VTI1A: variants seen among roughly 807,000 people sequenced by gnomAD.
VTI1A encodes the protein vesicle transport through interaction with t-SNAREs 1A.
A neutral mutation model predicts 34.9 loss-of-function variants in VTI1A; 22 were observed. The observed-to-expected ratio is 0.63, with a 90% CI of 0.45 to 0.90. The LOEUF (loss-of-function observed/expected upper bound fraction) is 0.90, where lower values mean the gene tolerates loss of function less well. VTI1A is among the 40% of genes least tolerant of loss of function. The pLI, the probability that VTI1A is intolerant of heterozygous loss-of-function variation, is 0.00. For synonymous variants in VTI1A, 87 were observed against 97.3 expected, an observed-to-expected ratio of 0.89 and a Z score of 0.62; for missense variants, 268 against 275.6, an observed-to-expected ratio of 0.97 and a Z score of 0.20.
At chr10:112,712,885 T>G (rs1849476467) in intron 7 of VTI1A, among the ~76,000 whole-genome samples, 2 of 152,160 alleles carry the variant, frequency 1.3e-5, no homozygotes, top group Non-Finnish European at 1.5e-5. Context: ...GTCTTTAAAT[T>G]TGGGGTGGCA....
intron 5 of VTI1A, among the ~76,000 whole-genome samples, chr10:112,644,479 T>A (rs889791412): frequency 2.0e-5 from 3 of 152,204 alleles, no homozygotes; most frequent in East Asian, 1.9e-4. Context: ...CCTGACTAAT[T>A]GTGTAGATTG....
the VTI1A span, among the ~76,000 whole-genome samples, chr10:112,854,821 C>T: frequency 6.6e-6 from 1 of 152,182 alleles, no homozygotes; most frequent in African/African-American, 2.4e-5. Flanking sequence ...CCGCCTGCTG[C>T]AGAGAACGCC....
At chr10:112,716,707 T>C (rs11196072) in intron 7 of VTI1A, among the ~76,000 whole-genome samples, 30,466 of 152,134 alleles carry the variant, frequency 0.2, 5,370 homozygotes, top group African/African-American at 0.47. Flanking sequence ...TCAAAAGGAA[T>C]ACTCACTGGA....
At chr10:112,550,216 T>A (rs771257384) in intron 5 of VTI1A, among the ~76,000 whole-genome samples, 1 of 152,234 alleles carries the variant, frequency 6.6e-6, no homozygotes, top group Admixed American at 6.5e-5. Flanking sequence ...TACAGCAGAT[T>A]GTGAAAATGA....
chr10:112,552,926 T>C (rs1851414077), intron 5 of VTI1A, among the ~76,000 whole-genome samples: 1 of 152,212 alleles, frequency 6.6e-6, no homozygotes, highest in South Asian at 2.1e-4. Flanking sequence ...TCTGCTCAAA[T>C]TAAACACTGT....
chr10:112,790,680 A>G (rs1023186597), intron 7 of VTI1A, among the ~76,000 whole-genome samples: 1 of 151,756 alleles, frequency 6.6e-6, no homozygotes, highest in Admixed American at 6.6e-5. Flanking sequence ...GGTTGTTCTT[A>G]CCCAAAATTC....
intron 4 of VTI1A, among the ~76,000 whole-genome samples, chr10:112,528,154 C>T (rs1850303033): frequency 1.3e-5 from 2 of 151,934 alleles, no homozygotes; most frequent in African/African-American, 4.8e-5. Flanking sequence ...CTGAGTAAAC[C>T]AAAATTTTAA....
At chr10:112,687,219 CTTTTTTTTTTTTTTTTT>C (rs71303594) in intron 7 of VTI1A, among the ~76,000 whole-genome samples, 24 of 84,606 alleles carry the variant, frequency 2.8e-4, no homozygotes, top group Non-Finnish European at 4.4e-4. Context: ...CATACTACAA[CTTTTTTTTTTTTTTTTT>C]TTTTTTTTTT....
At chr10:112,775,598 A>G (rs1851936287) in intron 7 of VTI1A, among the ~76,000 whole-genome samples, 1 of 152,226 alleles carries the variant, frequency 6.6e-6, no homozygotes, top group Admixed American at 6.5e-5. Context: ...CCAAAGCACA[A>G]CAAATGTTAA....
At chr10:112,710,325 G>A (rs953304030) in intron 7 of VTI1A, among the ~76,000 whole-genome samples, 3 of 150,790 alleles carry the variant, frequency 2.0e-5, no homozygotes, top group Non-Finnish European at 1.5e-5. Flanking sequence ...CTCCTGCCTC[G>A]GCCTCCCAAG....
At chr10:112,805,155 C>A (rs1853029383) in intron 7 of VTI1A, among the ~76,000 whole-genome samples, 2 of 152,214 alleles carry the variant, frequency 1.3e-5, no homozygotes, top group Non-Finnish European at 2.9e-5. Context: ...TCGTGAGCCA[C>A]TGTGCCCAGC....
intron 7 of VTI1A, among the ~76,000 whole-genome samples, chr10:112,740,281 ACTTT>A (rs60235413): frequency 0.012 from 1,798 of 151,946 alleles, 31 homozygotes; most frequent in African/African-American, 0.041. Context: ...CCCTGTGAAC[ACTTT>A]CTTTCTTTCT....
At chr10:112,694,551 C>G (rs77695763) in intron 7 of VTI1A, among the ~76,000 whole-genome samples, 1 of 151,938 alleles carries the variant, frequency 6.6e-6, no homozygotes, top group African/African-American at 2.4e-5. Flanking sequence ...AAGCATGCCT[C>G]TGAATGGCAG....
intron 7 of VTI1A, among the ~76,000 whole-genome samples, chr10:112,735,221 A>G (rs1356877706): frequency 6.6e-6 from 1 of 152,162 alleles, no homozygotes; most frequent in Non-Finnish European, 1.5e-5. Flanking sequence ...CTTTTGACAA[A>G]TTGCACAGGA....
intron 3 of VTI1A, among the ~76,000 whole-genome samples, chr10:112,476,406 G>C (rs983978203): frequency 6.6e-6 from 1 of 152,080 alleles, no homozygotes; most frequent in African/African-American, 2.4e-5. Context: ...TTCATGTATG[G>C]TATACTATTA....
At chr10:112,737,505 G>A (rs1300720948) in intron 7 of VTI1A, 7 of 1,050,628 alleles carry the variant, frequency 6.7e-6, no homozygotes, top group Middle Eastern at 4.2e-4. Flanking sequence ...TCCCTGGGAT[G>A]CCTTAGACGG....
chr10:112,511,378 G>C (rs1451868122), intron 3 of VTI1A, among the ~76,000 whole-genome samples: 1 of 151,706 alleles, frequency 6.6e-6, no homozygotes, highest in Non-Finnish European at 1.5e-5. Flanking sequence ...CAAGTAGCTG[G>C]GACTACAGGC....
At chr10:112,561,846 A>T (rs1012597434) in intron 5 of VTI1A, among the ~76,000 whole-genome samples, 1 of 152,154 alleles carries the variant, frequency 6.6e-6, no homozygotes, top group Non-Finnish European at 1.5e-5. Flanking sequence ...AGGCTGTTGT[A>T]TTCTCTTTCC....
intron 5 of VTI1A, among the ~76,000 whole-genome samples, chr10:112,610,667 A>G (rs1309584415): frequency 6.6e-6 from 1 of 152,246 alleles, no homozygotes; most frequent in Non-Finnish European, 1.5e-5. Flanking sequence ...CTGTAATCCC[A>G]GCACTTTGGG....
Sources: gnomAD v4.1 joint callset for allele counts (sites outside exome capture counted in the v4.1 genomes callset) on GRCh38, gnomAD v4.1.1 for gene constraint, MANE v1.5 for transcripts, NCBI Gene and HGNC (gene_info 2026-07-23, HGNC 2026-07-21) for gene names.